IGSF6: variants seen among roughly 807,000 people sequenced by gnomAD.
IGSF6 encodes down-regulated by activation (immunoglobulin superfamily).
Under a neutral mutation model 24.7 loss-of-function variants are expected in IGSF6, and 23 were observed. That is an observed-to-expected ratio of 0.93 (90% CI 0.67 to 1.32). The LOEUF is 1.32. Among genes scored for constraint, IGSF6 ranks in the 40% most tolerant of loss-of-function variants. IGSF6 has a pLI of 0.00. For synonymous variants in IGSF6, 110 were observed against 113.7 expected, an observed-to-expected ratio of 0.97 and a Z score of 0.21; for missense variants, 295 against 293.6, an observed-to-expected ratio of 1.00 and a Z score of -0.04.
chr16:21,642,692 A>AT (rs143375720), intron 5 of IGSF6, among the ~76,000 whole-genome samples: 6 of 152,012 alleles, frequency 3.9e-5, no homozygotes, highest in South Asian at 2.1e-4. Flanking sequence ...GTAACAAGTA[A>AT]TTTTTTTTCA....
intron 2 of IGSF6, 119 bp downstream of exon 2, chr16:21,647,014 C>CT: frequency 7.6e-7 from 1 of 1,323,936 alleles, no homozygotes; most frequent in African/African-American, 1.4e-5. Flanking sequence ...ACACCCATCA[C>CT]TGGCTAGGGT....
rs899837312 is a variant in IGSF6, at chr16:21,640,315, T to C, written c.*1219A>G. On this transcript the variant is annotated 3_prime_UTR_variant, in exon 6 of 6. Coordinates refer to ENST00000268389, the MANE Select transcript of IGSF6 (RefSeq NM_005849.4). ...GTGTCTAATAATGAATGCATACTTA[T>C]GGGCACTTTAGATTTTTTTATACCA... The C allele has an allele frequency of 1.3e-5, 2 of 152,114 alleles. No homozygotes were observed. Among genetic ancestry groups the C allele is most frequent in the African/African-American group, 2.4e-5 (1 of 41,406 alleles). 9.4% of individuals were successfully genotyped at this position (152,114 alleles called of 1,614,324 possible). A position where few individuals can be genotyped will look rare whatever the true frequency, so the allele number is the denominator to read the frequency against.
chr16:21,642,961 C>A, intron 5 of IGSF6, 113 bp downstream of exon 5: 1 of 663,980 alleles, frequency 1.5e-6, no homozygotes, highest in Non-Finnish European at 2.6e-6. Flanking sequence ...TGAAAGTTCT[C>A]TTTCAGACTC....
At chr16:21,645,677 G>GC (rs927488568) in intron 2 of IGSF6, among the ~76,000 whole-genome samples, 1 of 152,098 alleles carries the variant, frequency 6.6e-6, no homozygotes, top group African/African-American at 2.4e-5. Flanking sequence ...CTTTATATAA[G>GC]CCTTGCAGCT....
At chr16:21,645,592 G>A (rs1403410830) in intron 2 of IGSF6, among the ~76,000 whole-genome samples, 2 of 152,184 alleles carry the variant, frequency 1.3e-5, no homozygotes, top group Non-Finnish European at 2.9e-5. Context: ...TGTGAAAATA[G>A]GAGTTCTGTA....
chr16:21,650,443 G>A (rs1966539016), intron 1 of IGSF6, among the ~76,000 whole-genome samples: 1 of 149,456 alleles, frequency 6.7e-6, no homozygotes, highest in African/African-American at 2.5e-5. Flanking sequence ...AGGAGGTGGA[G>A]GTTGCAGTGA....
intron 3 of IGSF6, 40 bp from the exon 4 acceptor site, chr16:21,643,638 T>A: frequency 7.3e-7 from 1 of 1,377,182 alleles, no homozygotes; most frequent in South Asian, 1.2e-5. Flanking sequence ...ACATTTTATG[T>A]ACTCATAACA....
At chr16:21,649,106 T>G (rs2141622036) in intron 1 of IGSF6, among the ~76,000 whole-genome samples, 1 of 152,214 alleles carries the variant, frequency 6.6e-6, no homozygotes, top group Admixed American at 6.5e-5. Context: ...TCATCCTGCC[T>G]TAGCTTCTCA....
chr16:21,650,664 T>A (rs751725981), intron 1 of IGSF6, among the ~76,000 whole-genome samples: 1 of 152,182 alleles, frequency 6.6e-6, no homozygotes. Flanking sequence ...AATTAGGCTA[T>A]GTGTGGGAGA....
intron 5 of IGSF6, 47 bp downstream of exon 5, chr16:21,643,027 G>A (rs367715461): frequency 3.9e-5 from 51 of 1,306,634 alleles, no homozygotes; most frequent in Non-Finnish European, 4.9e-5. Flanking sequence ...TTTTTCAAAC[G>A]TGCTTTATAT....
chr16:21,646,666 T>C (rs1181203860), intron 2 of IGSF6: 3 of 234,428 alleles, frequency 1.3e-5, no homozygotes, highest in African/African-American at 6.8e-5. Flanking sequence ...AGTTCTTTTG[T>C]TTTTCTGAGA....
chr16:21,650,861 T>C (rs1048566683), intron 1 of IGSF6, among the ~76,000 whole-genome samples: 4 of 152,184 alleles, frequency 2.6e-5, no homozygotes, highest in Non-Finnish European at 5.9e-5. Context: ...AAACACAGTA[T>C]CCAATGAAAA....
intron 4 of IGSF6, 61 bp downstream of exon 4, chr16:21,643,487 G>T: frequency 9.1e-7 from 1 of 1,095,912 alleles, no homozygotes. Flanking sequence ...AAATATTTCA[G>T]TTTTGAAATC....
At position 21,647,405 on chromosome 16, in the gene IGSF6, G is replaced by A. The variant is rs753594905; in HGVS notation, c.155C>T (p.Thr52Ile). The stretch of plus-strand genomic sequence containing the variant: ...AGAAGGGCATCCGGTTGCGGAGAAG[G>A]TACACTTTATGGTGACGGCCTCATG... ...YTHEAVTIKC[T>I]FSATGCPSEQ... The change falls in exon 2 of 6, where the codon ACC becomes ATC. Residue 52 changes from threonine (T) to isoleucine (I), a missense_variant. By Grantham distance (89) the Thr-to-Ile change is moderately conservative. Coordinates refer to ENST00000268389, the MANE Select transcript of IGSF6 (RefSeq NM_005849.4). The A allele has an allele frequency of 6.2e-7, 1 of 1,614,058 alleles. No homozygotes were observed. Among genetic ancestry groups the A allele is most frequent in the African/African-American group, 1.3e-5 (1 of 74,996 alleles).
At chr16:21,651,051 GTC>G (rs1966560409) in intron 1 of IGSF6, among the ~76,000 whole-genome samples, 1 of 152,070 alleles carries the variant, frequency 6.6e-6, no homozygotes, top group Non-Finnish European at 1.5e-5. Flanking sequence ...GTGAAACGCT[GTC>G]TCTACTAAAA....
In IGSF6 at chr16:21,644,391, T is replaced by G; in HGVS notation, c.433A>C (p.Lys145Gln). 1 of 1,608,988 alleles carries G rather than the reference T, an allele frequency of 6.2e-7. No individual in the cohort carries two copies. The highest frequency in any genetic ancestry group is 1.1e-5 in the South Asian group (1 of 90,980). ...GGTTLVVREI[K>Q]LLSKELRSFL... is the part of the protein sequence containing the mutation. ...CTCCGCAGTTCCTTGCTGAGCAGCT[T>G]AATTTCTTAATGACAAAAACAGAAA... Residue 145 changes from lysine to glutamine, a missense_variant, in exon 3 of 6, where the codon AAG becomes CAG. Coordinates refer to ENST00000268389, the MANE Select transcript of IGSF6 (RefSeq NM_005849.4).
chr16:21,649,245 G>A (rs1024228209), intron 1 of IGSF6, among the ~76,000 whole-genome samples: 1 of 152,054 alleles, frequency 6.6e-6, no homozygotes, highest in African/African-American at 2.4e-5. Flanking sequence ...CGCTTGCCTC[G>A]GCCTTCCAAA....
chr16:21,643,253 CA>C, intron 4 of IGSF6, 99 bp from the exon 5 acceptor site: 2 of 825,994 alleles, frequency 2.4e-6, no homozygotes, highest in Non-Finnish European at 4.1e-6. Context: ...CCACCGGTCC[CA>C]AAAACTACCC....
rs140742307 is a variant in IGSF6, at chr16:21,647,123, G to T, written c.427+10C>A. 4 of 1,614,102 alleles carry T rather than the reference G, an allele frequency of 2.5e-6. No homozygotes were observed. In the South Asian group the frequency reaches 3.3e-5, roughly 13 times the overall value. On this transcript the variant is annotated intron_variant, in intron 2 of 5. Coordinates refer to ENST00000268389, the MANE Select transcript of IGSF6 (RefSeq NM_005849.4). ...CAATGATGCACTGAAATAAAGCCTC[G>T]CTGACTGACCTCTTACCACCAGTGT...
Sources: allele counts gnomAD v4.1 joint callset (sites outside exome capture counted in the v4.1 genomes callset), GRCh38; gene constraint gnomAD v4.1.1; transcripts MANE v1.5; gene names NCBI Gene and HGNC (gene_info 2026-07-23, HGNC 2026-07-21).